Variants in NRG3 observed in about 807,000 individuals in gnomAD.
The protein encoded by NRG3 is neuregulin 3.
NRG3 carries 31 observed loss-of-function variants against 66.9 expected under a neutral mutation model. That is an observed-to-expected ratio of 0.46 (90% CI 0.35 to 0.63). NRG3 has a LOEUF of 0.63. Ranked by LOEUF, NRG3 falls within the 20% of genes least tolerant of loss-of-function variation. The pLI is 0.00. For synonymous variants in NRG3, 393 were observed against 359.4 expected (o/e 1.09, Z -1.06); for missense variants, 910 against 878.9 (o/e 1.04, Z -0.45).
chr10:82,056,729 G>C (rs1480395311), intron 1 of NRG3, among the ~76,000 whole-genome samples: 2 of 152,122 alleles, frequency 1.3e-5, no homozygotes, highest in Non-Finnish European at 1.5e-5. Flanking sequence ...TATTTTGACT[G>C]TAGCTTTCAA....
chr10:82,224,492 T>C (rs2076081663), intron 1 of NRG3: 1 of 152,238 alleles, frequency 6.6e-6, no homozygotes, highest in African/African-American at 2.4e-5. Flanking sequence ...CTGACGATAG[T>C]GACTCTTGTA....
At chr10:82,418,773 CTT>C (rs111436902) in intron 2 of NRG3, among the ~76,000 whole-genome samples, 3 of 148,766 alleles carry the variant, frequency 2.0e-5, no homozygotes, top group Non-Finnish European at 3.0e-5. Flanking sequence ...ATATTTTTTT[CTT>C]TTTTTTTTGG....
intron 1 of NRG3, among the ~76,000 whole-genome samples, chr10:82,011,977 A>G (rs907780247): frequency 1.3e-5 from 2 of 152,034 alleles, no homozygotes; most frequent in Admixed American, 6.6e-5. Context: ...CCCTATTCTC[A>G]TGGCTCCACT....
At chr10:82,409,569 G>A (rs1231434787) in intron 2 of NRG3, among the ~76,000 whole-genome samples, 1 of 152,150 alleles carries the variant, frequency 6.6e-6, no homozygotes, top group African/African-American at 2.4e-5. Context: ...ATTTGTGCTG[G>A]ATGCTGAGTG....
chr10:82,949,538 GA>G lies in NRG3; in HGVS notation c.1055-1928del, dbSNP rs370630563. Among the ~76,000 whole-genome samples, 9 of 152,120 alleles carry G rather than the reference GA, an allele frequency of 5.9e-5. 1 individual carries two copies. The highest frequency in any genetic ancestry group is 2.2e-4 in the African/African-American group (9 of 41,518). ...AATGTTCTAATTTTAGTATGCATGA[GA>G]AATACCTGAAAATTTTACTTAAATA... On this transcript the variant is annotated intron_variant, in intron 4 of 8. Coordinates refer to ENST00000372141, the MANE Select transcript of NRG3 (RefSeq NM_001010848.4).
intron 1 of NRG3, among the ~76,000 whole-genome samples, chr10:81,898,082 G>A (rs1333121727): frequency 2.0e-5 from 3 of 152,208 alleles, no homozygotes; most frequent in Non-Finnish European, 4.4e-5. Context: ...AGGGTTGTGG[G>A]CAGCTGGATT....
At position 82,511,311 on chromosome 10, in the gene NRG3, C is replaced by T. The variant is rs546966960; in HGVS notation, c.953+152443C>T. On this transcript the variant is annotated intron_variant, in intron 2 of 8. Coordinates refer to ENST00000372141, the MANE Select transcript of NRG3 (RefSeq NM_001010848.4). ...AAAAGAAAACTGATGTGCTGTGTCC[C>T]CAATTTGTGCACGATTCTCTGCAGT... Among the ~76,000 whole-genome samples, 3 of 152,250 alleles carry T rather than the reference C, an allele frequency of 2.0e-5. No homozygotes were observed. The South Asian group carries it at 6.2e-4, about 32-fold the overall frequency.
At chr10:82,982,385 A>G (rs1341193702) in intron 8 of NRG3, among the ~76,000 whole-genome samples, 2 of 152,204 alleles carry the variant, frequency 1.3e-5, no homozygotes, top group African/African-American at 4.8e-5. Context: ...GTTGAGGATG[A>G]GAGGAAGACT....
intron 1 of NRG3, among the ~76,000 whole-genome samples, chr10:81,969,267 C>T (rs1388309324): frequency 6.6e-6 from 1 of 152,024 alleles, no homozygotes; most frequent in South Asian, 2.1e-4. Context: ...ATAGAAGGAA[C>T]CAATAACCAG....
chr10:81,890,057 T>C (rs1054943515), intron 1 of NRG3, among the ~76,000 whole-genome samples: 1 of 152,166 alleles, frequency 6.6e-6, no homozygotes, highest in African/African-American at 2.4e-5. Context: ...TCTAAGGAGC[T>C]CTATTACTTC....
intron 3 of NRG3, among the ~76,000 whole-genome samples, chr10:82,843,477 G>A (rs746981802): frequency 2.0e-5 from 3 of 152,080 alleles, no homozygotes; most frequent in East Asian, 1.9e-4. Context: ...CACAGTCTGC[G>A]GTATGCTGTT....
intron 1 of NRG3, among the ~76,000 whole-genome samples, chr10:82,298,349 G>A (rs59328196): frequency 0.033 from 4,963 of 152,170 alleles, 134 homozygotes; most frequent in African/African-American, 0.074. Context: ...TCTAAAAGTA[G>A]TGTGTTAATG....
chr10:82,374,152 A>G (rs1386998333), intron 2 of NRG3, among the ~76,000 whole-genome samples: 1 of 152,190 alleles, frequency 6.6e-6, no homozygotes, highest in Non-Finnish European at 1.5e-5. Context: ...AGAAATGTTA[A>G]TATCAATCTT....
intron 2 of NRG3, among the ~76,000 whole-genome samples, chr10:82,596,774 C>A (rs2133360460): frequency 6.6e-6 from 1 of 152,290 alleles, no homozygotes; most frequent in Non-Finnish European, 1.5e-5. Context: ...CAGTGCAAAT[C>A]CGGCAGTATG....
At chr10:82,251,366 G>A (rs1170108387) in intron 1 of NRG3, among the ~76,000 whole-genome samples, 1 of 152,138 alleles carries the variant, frequency 6.6e-6, no homozygotes, top group Non-Finnish European at 1.5e-5. Flanking sequence ...ATCCTCTAAA[G>A]CCATTGTCCT....
chr10:82,381,535 C>A (rs1164232536), intron 2 of NRG3, among the ~76,000 whole-genome samples: 1 of 152,138 alleles, frequency 6.6e-6, no homozygotes, highest in East Asian at 1.9e-4. Context: ...AGATTCTCAA[C>A]AACGTGTACA....
chr10:82,044,561 A>C (rs11192285), intron 1 of NRG3, among the ~76,000 whole-genome samples: 34,257 of 151,756 alleles, frequency 0.23, 4,008 homozygotes, highest in Middle Eastern at 0.31. Flanking sequence ...ATAACGAAAT[A>C]ATTTTTTTTA....
intron 2 of NRG3, among the ~76,000 whole-genome samples, chr10:82,466,414 ATCAACT>A (rs1266400934): frequency 6.6e-6 from 1 of 152,140 alleles, no homozygotes; most frequent in Non-Finnish European, 1.5e-5. Flanking sequence ...TTGGGTGGAA[ATCAACT>A]TCAACATCCA....
chr10:82,200,948 A>G (rs1330069345), intron 1 of NRG3, among the ~76,000 whole-genome samples: 2 of 152,120 alleles, frequency 1.3e-5, no homozygotes, highest in African/African-American at 2.4e-5. Context: ...CTGTAATCCC[A>G]GCACTTTGGG....
Sources: gnomAD v4.1 joint callset for allele counts (sites outside exome capture counted in the v4.1 genomes callset) on GRCh38, gnomAD v4.1.1 for gene constraint, MANE v1.5 for transcripts, NCBI Gene and HGNC (gene_info 2026-07-23, HGNC 2026-07-21) for gene names.